FBXW4: variants seen among roughly 807,000 people sequenced by gnomAD.
The protein encoded by FBXW4 is F-box and WD repeat domain containing 4.
FBXW4 carries 40 observed loss-of-function variants against 61.8 expected under a neutral mutation model. That is an observed-to-expected ratio of 0.65 (90% CI 0.50 to 0.84). The LOEUF (loss-of-function observed/expected upper bound fraction) is 0.84, where lower values mean the gene tolerates loss of function less well. Among genes scored for constraint, FBXW4 ranks in the 40% least tolerant of loss-of-function variants. The probability of loss-of-function intolerance (pLI) is 0.00; values close to 1 mark genes in which losing one functional copy is unlikely to be tolerated. For missense variants in FBXW4, 672 were observed against 753.8 expected (o/e 0.89, Z 1.27); for synonymous variants, 311 against 313.8 (o/e 0.99, Z 0.10).
At chr10:101,654,227 T>C (rs1249243818) in intron 5 of FBXW4, among the ~76,000 whole-genome samples, 1 of 152,114 alleles carries the variant, frequency 6.6e-6, no homozygotes, top group Non-Finnish European at 1.5e-5. Flanking sequence ...AAACCATGTT[T>C]AATGATACAA....
At chr10:101,625,427 C>T (rs1398831403) in intron 5 of FBXW4, 1 of 152,566 alleles carries the variant, frequency 6.6e-6, no homozygotes, top group Non-Finnish European at 1.5e-5. Flanking sequence ...GCCAGGCAGC[C>T]AGGGCTTCTG....
chr10:101,667,091 C>T (rs1249531312), intron 5 of FBXW4, among the ~76,000 whole-genome samples: 1 of 151,504 alleles, frequency 6.6e-6, no homozygotes, highest in African/African-American at 2.4e-5. Flanking sequence ...ATTAGCTGGG[C>T]GTGGTGGCAG....
chr10:101,631,034 C>G (rs370573808), intron 5 of FBXW4, among the ~76,000 whole-genome samples: 1 of 151,678 alleles, frequency 6.6e-6, no homozygotes, highest in East Asian at 1.9e-4. Flanking sequence ...AGCTGCAAGA[C>G]CAGGCAGGGG....
rs371732460 is a variant in FBXW4 at position 101,635,006 on chromosome 10, T to C, written c.1236-10196A>G. ...CAGGCCACAGACCTGTACCAGTCCA[T>C]GGCCTGTTAGCAACCAGGACGCACA... is the stretch of plus-strand genomic sequence containing the variant. On this transcript the variant is annotated intron_variant, in intron 5 of 8. Coordinates refer to ENST00000331272, the MANE Select transcript of FBXW4 (RefSeq NM_022039.4). Among the ~76,000 whole-genome samples the C allele has an allele frequency of 8.5e-5, 12 of 141,548 alleles. No homozygotes were observed. The South Asian group carries it at 2.6e-3, about 31-fold the overall frequency. 92.9% of individuals were successfully genotyped at this position (141,548 alleles called of 152,430 possible).
chr10:101,651,390 T>G (rs576873647), intron 5 of FBXW4, among the ~76,000 whole-genome samples: 1 of 152,100 alleles, frequency 6.6e-6, no homozygotes, highest in East Asian at 1.9e-4. Context: ...ATTTCAAAGT[T>G]TCTCTAGCAA....
At chr10:101,689,237 T>C (rs568109076) in intron 1 of FBXW4, among the ~76,000 whole-genome samples, 3 of 152,286 alleles carry the variant, frequency 2.0e-5, no homozygotes, top group Non-Finnish European at 2.9e-5. Context: ...TGTGAAGACA[T>C]TGGGTTTCTC....
chr10:101,694,717 C>G lies in FBXW4; in HGVS notation c.389G>C (p.Arg130Pro), dbSNP rs1203404619. ...TGCTCTTCCCGGCCTGGCGCCCTCC[C>G]GCCGCCTAGCCCTGACCCTCCATTC... ...KEEWRVRARRREGARPGRAQG... is the reference protein window; with the variant it reads ...KEEWRVRARRPEGARPGRAQG... The change falls in exon 1 of 9, where the codon CGG becomes CCG. Residue 130 changes from arginine (R) to proline (P), a missense_variant. Coordinates refer to ENST00000331272, the MANE Select transcript of FBXW4 (RefSeq NM_022039.4). This position sits in a 1 kb window ranked among gnomAD's most constrained non-coding sequence, Gnocchi z 6.0. 2.3e-5 allele frequency: 32 copies of G among 1,376,966 alleles called. No individual in the cohort carries two copies. Among genetic ancestry groups the G allele is most frequent in the Non-Finnish European group, 3.0e-5 (32 of 1,073,854 alleles). The allele number at this position is 1,376,966 out of a possible 1,614,324, so 85.3% of individuals were successfully genotyped here.
intron 5 of FBXW4, among the ~76,000 whole-genome samples, chr10:101,646,743 G>A (rs564591201): frequency 2.3e-4 from 35 of 152,346 alleles, no homozygotes; most frequent in African/African-American, 7.9e-4. Context: ...AAAGCCACAG[G>A]GAGAGGGAGA....
At chr10:101,618,843 C>T (rs2134807101) in intron 6 of FBXW4, among the ~76,000 whole-genome samples, 1 of 152,238 alleles carries the variant, frequency 6.6e-6, no homozygotes, top group African/African-American at 2.4e-5. Flanking sequence ...CCAGCTGTGC[C>T]CTGTGCTCAG....
In FBXW4 at chr10:101,694,433, G is replaced by C. The variant is rs538515803; in HGVS notation, c.673C>G (p.Arg225Gly). Residue 225 changes from arginine to glycine, a missense_variant, in exon 1 of 9, where the codon CGG becomes GGG. Physicochemically the swap from Arg to Gly is moderately radical, Grantham distance 125. Transcript: ENST00000331272. The surrounding 1 kb of genome is among the most constrained non-coding windows in gnomAD (Gnocchi z 6.0). ...RFTSCDLLWR[R>G]IARASLNSGF... is the part of the protein sequence containing the mutation. ...GAGTTGAGCGAGGCCCGGGCTATCC[G>C]GCGCCAGAGCAGATCGCAGCTGGTG... 11 of 1,527,028 alleles carry C rather than the reference G, an allele frequency of 7.2e-6. No individual in the cohort carries two copies. Among genetic ancestry groups the C allele is most frequent in the South Asian group, 1.2e-5 (1 of 81,836 alleles). 94.6% of individuals were successfully genotyped at this position (1,527,028 alleles called of 1,614,324 possible). A position where few individuals can be genotyped will look rare whatever the true frequency, so the allele number is the denominator to read the frequency against.
At chr10:101,652,597 G>T (rs962137782) in intron 5 of FBXW4, among the ~76,000 whole-genome samples, 2 of 151,482 alleles carry the variant, frequency 1.3e-5, no homozygotes, top group Non-Finnish European at 1.5e-5. Flanking sequence ...CCAGAGGAAA[G>T]AACTAGAAAA....
intron 5 of FBXW4, among the ~76,000 whole-genome samples, chr10:101,662,150 G>C (rs967940688): frequency 6.6e-6 from 1 of 152,148 alleles, no homozygotes; most frequent in African/African-American, 2.4e-5. Flanking sequence ...GAAAACTCCA[G>C]ATGCAATTAC....
chr10:101,690,167 T>C (rs888889259), intron 1 of FBXW4, among the ~76,000 whole-genome samples: 8 of 152,246 alleles, frequency 5.3e-5, no homozygotes, highest in Non-Finnish European at 7.3e-5. Flanking sequence ...TTGTTAATTT[T>C]CAGTATCAGA....
Position 101,694,957 on chromosome 10 carries a change from C to G in FBXW4, c.149G>C (p.Gly50Ala), listed in dbSNP as rs1432143096. 1 of 1,214,794 alleles carries G rather than the reference C, an allele frequency of 8.2e-7. No individual in the cohort carries two copies. Among genetic ancestry groups the G allele is most frequent in the African/African-American group, 1.6e-5 (1 of 63,852 alleles). 75.3% of individuals were successfully genotyped at this position (1,214,794 alleles called of 1,614,324 possible). ...KGKGKARAGQ[G>A]GRGSGAEGKP... ...CCCTTCCGCCCCGCTTCCTCTTCCGCCTTGCCCCGCTCTCGCTTTTCCCTT... is the reference window on the plus strand; with the variant it reads ...CCCTTCCGCCCCGCTTCCTCTTCCGGCTTGCCCCGCTCTCGCTTTTCCCTT... The change falls in exon 1 of 9, where the codon GGC (glycine) becomes GCC (alanine). Residue 50 changes from glycine to alanine, a missense_variant. This residue lies in a region of FBXW4 where 5 missense variants were observed against 19.0 expected (regional missense o/e 0.26). Transcript: ENST00000331272. This position sits in a 1 kb window ranked among gnomAD's most constrained non-coding sequence, Gnocchi z 6.0.
intron 2 of FBXW4, among the ~76,000 whole-genome samples, chr10:101,674,288 C>T (rs1031329367): frequency 6.6e-6 from 1 of 150,410 alleles, no homozygotes; most frequent in African/African-American, 2.4e-5. Flanking sequence ...GAGATCGCAC[C>T]ACTGCACTCC....
At chr10:101,622,978 C>CAG (rs1177001335) in intron 6 of FBXW4, 1 of 152,082 alleles carries the variant, frequency 6.6e-6, no homozygotes, top group Non-Finnish European at 1.5e-5. Context: ...AACAATCCAG[C>CAG]AGGCAAAAGA....
intron 1 of FBXW4, among the ~76,000 whole-genome samples, chr10:101,686,242 AT>A (rs1286514107): frequency 1.3e-5 from 2 of 152,278 alleles, no homozygotes; most frequent in East Asian, 3.9e-4. Flanking sequence ...AAAGAATTTT[AT>A]GGTCAAAACA....
At chr10:101,643,215 G>A (rs573938625) in intron 5 of FBXW4, among the ~76,000 whole-genome samples, 33 of 152,198 alleles carry the variant, frequency 2.2e-4, no homozygotes, top group Non-Finnish European at 4.0e-4. Context: ...AATGATTAGC[G>A]TATCTACCCT....
In FBXW4 at chr10:101,673,328, C is replaced by T. The variant is rs192749994; in HGVS notation, c.1007+160G>A. Among the ~76,000 whole-genome samples the T allele has an allele frequency of 2.9e-4, 44 of 152,316 alleles. No individual in the cohort carries two copies. The East Asian group carries it at 8.1e-3, about 28-fold the overall frequency. On this transcript the variant is annotated intron_variant, in intron 3 of 8. Transcript: ENST00000331272. ...TCCTGTTTTCCTTCTCCAGCTAACC[C>T]TATTAACTCCTTTTGGTAAAATCTC...
Sources: allele counts gnomAD v4.1 joint callset (sites outside exome capture counted in the v4.1 genomes callset), GRCh38; gene constraint gnomAD v4.1.1; regional missense constraint gnomAD v4.1.1; non-coding constraint Gnocchi (gnomAD v3.1); transcripts MANE v1.5; gene names NCBI Gene and HGNC (gene_info 2026-07-23, HGNC 2026-07-21).